The following ADAMTSL1 variants were observed in gnomAD, a reference collection of about 807,000 sequenced individuals.
The protein encoded by ADAMTSL1 is ADAMTS like 1.
In ADAMTSL1, 126 loss-of-function variants were observed where a neutral mutation model predicts 201.8. The ratio of observed to expected loss-of-function variants is 0.62; its 90% CI spans 0.54 to 0.72. The LOEUF (loss-of-function observed/expected upper bound fraction) is 0.72. ADAMTSL1 is among the 30% of genes least tolerant of loss of function. The pLI is 0.00. For synonymous variants in ADAMTSL1, 1,121 were observed against 903.4 expected (o/e 1.24, Z -4.32); for missense variants, 2,679 against 2,277.8 (o/e 1.18, Z -3.59).
chr9:18,105,916 C>G (rs1824740930), intron 1 of ADAMTSL1, among the ~76,000 whole-genome samples: 1 of 152,202 alleles, frequency 6.6e-6, no homozygotes. Context: ...CATCAAATAA[C>G]TCAGCCGAAG....
At chr9:18,210,872 A>G (rs1829845165) in intron 2 of ADAMTSL1, among the ~76,000 whole-genome samples, 2 of 152,032 alleles carry the variant, frequency 1.3e-5, no homozygotes, top group South Asian at 4.1e-4. Context: ...CCACAGAAGT[A>G]AAATTTGTCA....
chr9:18,732,854 CTATT>C (rs1818294509), intron 15 of ADAMTSL1, among the ~76,000 whole-genome samples: 1 of 152,200 alleles, frequency 6.6e-6, no homozygotes, highest in African/African-American at 2.4e-5. Context: ...CTAATAGCTT[CTATT>C]TATTAAGCAC....
At chr9:18,611,627 A>C (rs938477208) in intron 4 of ADAMTSL1, among the ~76,000 whole-genome samples, 2 of 152,208 alleles carry the variant, frequency 1.3e-5, no homozygotes, top group Non-Finnish European at 2.9e-5. Context: ...GTTAGAAATC[A>C]GACTTACTTA....
intron 9 of ADAMTSL1, among the ~76,000 whole-genome samples, chr9:18,665,610 C>G (rs1829382459): frequency 6.6e-6 from 1 of 152,036 alleles, no homozygotes; most frequent in African/African-American, 2.4e-5. Flanking sequence ...GAATATCTCA[C>G]TCTACACATC....
chr9:18,090,860 G>T (rs1021665045), intron 1 of ADAMTSL1, among the ~76,000 whole-genome samples: 2 of 151,834 alleles, frequency 1.3e-5, no homozygotes, highest in African/African-American at 4.8e-5. Flanking sequence ...TCCCCCTGGC[G>T]TTTTCCTTGC....
In ADAMTSL1 at chr9:18,099,326, A is replaced by AAT. The variant is rs71333027; in HGVS notation, c.88-64507_88-64506dup. Among the ~76,000 whole-genome samples, 317 of 57,572 alleles carry AAT rather than the reference A, an allele frequency of 5.5e-3. 30 individuals carry two copies. In the East Asian group the frequency reaches 0.12, roughly 21 times the overall value. 37.8% of individuals were successfully genotyped at this position (57,572 alleles called of 152,430 possible). ...TGTTTTTGCTTTGCTGCAAATGGAAAATATATATATATATATATATATATA... is the reference window on the plus strand; with the variant it reads ...TGTTTTTGCTTTGCTGCAAATGGAAAATATATATATATATATATATATATATA... On this transcript the variant is annotated intron_variant, in intron 1 of 29. Transcript: ENST00000680146.
At chr9:18,397,606 C>T (rs560815839) in intron 2 of ADAMTSL1, among the ~76,000 whole-genome samples, 96 of 152,102 alleles carry the variant, frequency 6.3e-4, no homozygotes, top group African/African-American at 2.2e-3. Context: ...TTATTTGAAC[C>T]AAAACCCAAT....
chr9:18,229,808 G>A (rs996826758), intron 2 of ADAMTSL1, among the ~76,000 whole-genome samples: 5 of 151,604 alleles, frequency 3.3e-5, no homozygotes, highest in Admixed American at 3.3e-4. Flanking sequence ...CAATTCTCCT[G>A]CCTCAGCCTC....
At chr9:17,961,127 G>C (rs1817737317) in intron 1 of ADAMTSL1, among the ~76,000 whole-genome samples, 1 of 152,102 alleles carries the variant, frequency 6.6e-6, no homozygotes, top group South Asian at 2.1e-4. Context: ...GAATCACTTG[G>C]TTCTAGGTAT....
chr9:18,849,693 T>A (rs1462086823), intron 23 of ADAMTSL1, among the ~76,000 whole-genome samples: 1 of 152,182 alleles, frequency 6.6e-6, no homozygotes, highest in Admixed American at 6.5e-5. Context: ...CAAGTCAGCA[T>A]CTGTTTCCTC....
At chr9:18,373,325 T>C (rs562796834) in intron 2 of ADAMTSL1, among the ~76,000 whole-genome samples, 2 of 152,192 alleles carry the variant, frequency 1.3e-5, no homozygotes, top group Non-Finnish European at 2.9e-5. Context: ...TATTTATAAA[T>C]GTGAAAAAAA....
At chr9:18,230,366 T>C (rs1429055587) in intron 2 of ADAMTSL1, among the ~76,000 whole-genome samples, 1 of 152,150 alleles carries the variant, frequency 6.6e-6, no homozygotes, top group Non-Finnish European at 1.5e-5. Context: ...GTATCCAGAA[T>C]GACAGTTAAA....
chr9:18,811,245 T>G (rs550479167), intron 20 of ADAMTSL1, among the ~76,000 whole-genome samples: 1 of 152,170 alleles, frequency 6.6e-6, no homozygotes, highest in African/African-American at 2.4e-5. Flanking sequence ...CCAACCCTCA[T>G]GGAGGGGAGT....
intron 1 of ADAMTSL1, among the ~76,000 whole-genome samples, chr9:17,931,527 A>C (rs1826788318): frequency 1.3e-5 from 2 of 152,196 alleles, no homozygotes; most frequent in African/African-American, 4.8e-5. Flanking sequence ...TAAACTCTAA[A>C]ATTTCAAAGA....
intron 15 of ADAMTSL1, among the ~76,000 whole-genome samples, chr9:18,732,829 C>A (rs1264235461): frequency 6.6e-6 from 1 of 152,168 alleles, no homozygotes; most frequent in Admixed American, 6.5e-5. Context: ...CATCTTTGAG[C>A]AAGGTATGGC....
intron 2 of ADAMTSL1, among the ~76,000 whole-genome samples, chr9:18,336,763 A>G (rs1217045260): frequency 6.6e-6 from 1 of 152,132 alleles, no homozygotes; most frequent in Non-Finnish European, 1.5e-5. Flanking sequence ...GTTAATGTGA[A>G]TGTTGGACTA....
At chr9:18,055,033 C>G (rs1039791169) in intron 1 of ADAMTSL1, among the ~76,000 whole-genome samples, 2 of 152,178 alleles carry the variant, frequency 1.3e-5, no homozygotes, top group Non-Finnish European at 2.9e-5. Context: ...GCACAGGCAG[C>G]CATCTCACCC....
At chr9:18,206,053 CAAAAAAAAAAAAAAAAAA>C (rs71333031) in intron 2 of ADAMTSL1, among the ~76,000 whole-genome samples, 5 of 54,336 alleles carry the variant, frequency 9.2e-5, no homozygotes, top group African/African-American at 8.9e-5. Flanking sequence ...GACTCCATCT[CAAAAAAAAAAAAAAAAAA>C]AAAAAAAAAA....
intron 1 of ADAMTSL1, among the ~76,000 whole-genome samples, chr9:18,081,599 A>G (rs1308504298): frequency 2.0e-5 from 3 of 152,304 alleles, no homozygotes; most frequent in African/African-American, 7.2e-5. Flanking sequence ...GGCCCAGTGC[A>G]TGTTGTTTGG....
Sources: allele counts gnomAD v4.1 joint callset (sites outside exome capture counted in the v4.1 genomes callset), GRCh38; gene constraint gnomAD v4.1.1; transcripts MANE v1.5; gene names NCBI Gene and HGNC (gene_info 2026-07-23, HGNC 2026-07-21).